PFKP: variants seen among roughly 807,000 people sequenced by gnomAD.
PFKP encodes phosphofructokinase, platelet.
In PFKP, 101 loss-of-function variants were observed where a neutral mutation model predicts 94.3. The ratio of observed to expected loss-of-function variants is 1.07; its 90% CI spans 0.91 to 1.26. PFKP has a LOEUF of 1.26. Ranked by LOEUF, PFKP falls within the 50% of genes most tolerant of loss-of-function variation. The probability of loss-of-function intolerance (pLI) is 0.00; values close to 1 mark genes in which losing one functional copy is unlikely to be tolerated. For synonymous variants in PFKP, 573 were observed against 432.6 expected, an observed-to-expected ratio of 1.32 and a Z score of -4.03; for missense variants, 1,145 against 1,103.3, an observed-to-expected ratio of 1.04 and a Z score of -0.53.
chr10:3,087,989 T>TTTC (rs1833740300), intron 2 of PFKP, among the ~76,000 whole-genome samples: 1 of 137,846 alleles, frequency 7.3e-6, no homozygotes. Context: ...TCATTCTTTT[T>TTTC]TTTTTTTTTT....
chr10:3,128,991 G>C (rs146426071), intron 16 of PFKP: 123 of 152,368 alleles, frequency 8.1e-4, no homozygotes, highest in South Asian at 7.7e-3. Context: ...TGAGCAAAGG[G>C]TTTTGAATAA....
Position 3,136,671 on chromosome 10 carries a change from T to A in PFKP, c.*92T>A, listed in dbSNP as rs1564368017. The A allele has an allele frequency of 8.7e-6, 12 of 1,372,684 alleles. No homozygotes were observed. Among genetic ancestry groups the A allele is most frequent in the South Asian group, 2.6e-5 (2 of 77,930 alleles). 85.0% of individuals were successfully genotyped at this position (1,372,684 alleles called of 1,614,324 possible). A position where few individuals can be genotyped will look rare whatever the true frequency, so the allele number is the denominator to read the frequency against. ...TTATCAGCACTTTATGCACGTATTA[T>A]TGACATTAATACCTAATCGGCGAGT... is the stretch of plus-strand genomic sequence containing the variant. On this transcript the variant is annotated 3_prime_UTR_variant, in exon 22 of 22. Coordinates refer to ENST00000381125, the MANE Select transcript of PFKP (RefSeq NM_002627.5).
At chr10:3,100,921 G>A (rs1834938460) in intron 3 of PFKP, 1 of 1,600,450 alleles carries the variant, frequency 6.2e-7, no homozygotes, top group Middle Eastern at 1.7e-4. Flanking sequence ...TTACTTGCAG[G>A]TGCTGTAAGG....
At position 3,077,054 on chromosome 10, in the gene PFKP, C is replaced by T. The variant is rs1050038136; in HGVS notation, c.113-5334C>T. 3.9e-5 allele frequency among the ~76,000 whole-genome samples: 6 copies of T among 151,972 alleles called. No homozygotes were observed. The East Asian group carries it at 5.8e-4, about 15-fold the overall frequency. ...TTTCTAACAAAGCAGCGGGAGGAGT[C>T]GGCAAACTGACTTTATTTCTCAAAA... On this transcript the variant is annotated intron_variant, in intron 1 of 21. Transcript: ENST00000381125.
chr10:3,095,767 C>T (rs755740256), intron 2 of PFKP, among the ~76,000 whole-genome samples: 2 of 152,196 alleles, frequency 1.3e-5, no homozygotes, highest in Admixed American at 1.3e-4. Flanking sequence ...ATGAGTCTTC[C>T]TAATTTAGTA....
chr10:3,135,625 G>T (rs2306316), intron 20 of PFKP, 111 bp from the exon 21 acceptor site: 2 of 662,886 alleles, frequency 3.0e-6, no homozygotes, highest in African/African-American at 1.8e-5. Flanking sequence ...CTTCCAGGCC[G>T]GGTTCAGCAT....
chr10:3,119,793 T>C, intron 15 of PFKP, 99 bp from the exon 16 acceptor site: 1 of 1,015,596 alleles, frequency 9.8e-7, no homozygotes, highest in Non-Finnish European at 1.5e-6. Context: ...GTGTGCTCCC[T>C]GCGTGCTGTG....
chr10:3,124,957 C>T (rs1457651670), intron 16 of PFKP: 2 of 593,820 alleles, frequency 3.4e-6, no homozygotes, highest in Non-Finnish European at 4.5e-6. Context: ...CAGAGCCTCC[C>T]TCGGCCCCTT....
chr10:3,124,333 G>A (rs186581793), intron 16 of PFKP, among the ~76,000 whole-genome samples: 13 of 152,322 alleles, frequency 8.5e-5, no homozygotes, highest in African/African-American at 2.4e-4. Context: ...AACAGTGGGC[G>A]TGTGGACCTG....
intron 1 of PFKP, among the ~76,000 whole-genome samples, chr10:3,074,787 AT>A (rs1832453781): frequency 6.6e-6 from 1 of 152,208 alleles, no homozygotes; most frequent in East Asian, 1.9e-4. Flanking sequence ...TCAATAGGAG[AT>A]TAATTAATTC....
chr10:3,096,903 C>T (rs111636050), intron 2 of PFKP, among the ~76,000 whole-genome samples: 4,202 of 95,638 alleles, frequency 0.044, 94 homozygotes, highest in Middle Eastern at 0.066. Flanking sequence ...ACGGTGAAAC[C>T]CCGTCTCTAC....
intron 16 of PFKP, among the ~76,000 whole-genome samples, chr10:3,127,697 ATCTGTCC>A (rs1335472731): frequency 1.3e-5 from 2 of 152,134 alleles, no homozygotes. Flanking sequence ...CTTGACGGGG[ATCTGTCC>A]TCTGTCCTCC....
chr10:3,082,706 A>G (rs1833183205), intron 2 of PFKP, among the ~76,000 whole-genome samples: 2 of 152,138 alleles, frequency 1.3e-5, no homozygotes, highest in Admixed American at 6.5e-5. Flanking sequence ...GGGAGCCCAA[A>G]AAGCCATTTT....
intron 16 of PFKP, among the ~76,000 whole-genome samples, chr10:3,126,146 A>G (rs73575047): frequency 0.023 from 3,522 of 152,324 alleles, 122 homozygotes; most frequent in African/African-American, 0.077. Flanking sequence ...ACCTCGGAAG[A>G]CAGCAGTTCT....
At chr10:3,079,987 G>A (rs1191797611) in intron 1 of PFKP, among the ~76,000 whole-genome samples, 4 of 152,144 alleles carry the variant, frequency 2.6e-5, no homozygotes, top group African/African-American at 7.2e-5. Flanking sequence ...ATGGAATCAG[G>A]TGGGAGGCAA....
At position 3,118,812 on chromosome 10, in the gene PFKP, C is replaced by A. The variant is rs114799123; in HGVS notation, c.1473C>A (p.Ile491=). ...TCCCGGGGAAGTACTTGGAAGAGAT[C>A]GCCACACAGATGCGCACGCACAGCA... ...RVLPGKYLEE[I]ATQMRTHSIN... Residue 491 remains isoleucine, a synonymous_variant, in exon 15 of 22, where the codon ATC becomes ATA. Transcript: ENST00000381125. 7.4e-6 allele frequency: 12 copies of A among 1,613,546 alleles called. No individual in the cohort carries two copies. Among genetic ancestry groups the A allele is most frequent in the Admixed American group, 3.3e-5 (2 of 59,964 alleles).
At position 3,105,468 on chromosome 10, in the gene PFKP, C is replaced by G; in HGVS notation, c.741C>G (p.Gly247=). ...TTCCAGAATCTCCACCAGAGGAAGG[C>G]TGGGAGGAGCAGATGTGTGTCAAAC... ...VFLPESPPEE[G]WEEQMCVKLS... is the part of the protein sequence containing the mutation. The change falls in exon 7 of 22, where the codon GGC becomes GGG. Residue 247 remains glycine (G), a synonymous_variant. Transcript: ENST00000381125. 1 of 1,613,730 alleles carries G rather than the reference C, an allele frequency of 6.2e-7. No individual in the cohort carries two copies.
At chr10:3,105,983 G>C (rs1431504167) in intron 7 of PFKP, among the ~76,000 whole-genome samples, 1 of 152,238 alleles carries the variant, frequency 6.6e-6, no homozygotes, top group Non-Finnish European at 1.5e-5. Context: ...AGCAGCCACG[G>C]TGGCCCAGCA....
At chr10:3,089,025 G>A (rs376157124) in intron 2 of PFKP, among the ~76,000 whole-genome samples, 2 of 152,084 alleles carry the variant, frequency 1.3e-5, no homozygotes, top group East Asian at 1.9e-4. Context: ...TCTGCCTCCC[G>A]GGTTCAAGCG....
Sources: allele counts gnomAD v4.1 joint callset (sites outside exome capture counted in the v4.1 genomes callset), GRCh38; gene constraint gnomAD v4.1.1; transcripts MANE v1.5; gene names NCBI Gene and HGNC (gene_info 2026-07-23, HGNC 2026-07-21).